PLAAT1: variants seen among roughly 807,000 people sequenced by gnomAD.
PLAAT1 encodes the protein phospholipase A and acyltransferase 1, also known as H-REV107 protein-related protein.
A neutral mutation model predicts 16.4 loss-of-function variants in PLAAT1; 13 were observed. The observed-to-expected ratio is 0.79, with a 90% CI of 0.52 to 1.26. The LOEUF (loss-of-function observed/expected upper bound fraction) is 1.26, where lower values mean the gene tolerates loss of function less well. PLAAT1 is among the 50% of genes most tolerant of loss of function. The probability of loss-of-function intolerance (pLI) is 0.00; values close to 1 mark genes in which losing one functional copy is unlikely to be tolerated. For synonymous variants in PLAAT1, 73 were observed against 78.4 expected (o/e 0.93, Z 0.36); for missense variants, 218 against 207.8 (o/e 1.05, Z -0.30).
chr3:193,259,335 C>T (rs1267529446), intron 2 of PLAAT1, among the ~76,000 whole-genome samples: 1 of 152,174 alleles, frequency 6.6e-6, no homozygotes, highest in African/African-American at 2.4e-5. Flanking sequence ...GGTGTTCACT[C>T]ACACTATTCC....
rs13063816 is a variant in PLAAT1 at position 193,277,225 on chromosome 3, C to A, written c.*60-411C>A. On this transcript the variant is annotated intron_variant and NMD_transcript_variant, in intron 2 of 2. Transcript: ENST00000416012. ...CCAATTCTCCCAAAGCAAATTCTACCTGGAATTCATTCTTTAAGGAGGACA... is the reference window on the plus strand; with the variant it reads ...CCAATTCTCCCAAAGCAAATTCTACATGGAATTCATTCTTTAAGGAGGACA... Among the ~76,000 whole-genome samples the A allele has an allele frequency of 3.3e-5, 5 of 151,578 alleles. No individual in the cohort carries two copies. In the East Asian group the frequency reaches 5.8e-4, roughly 18 times the overall value.
intron 2 of PLAAT1, among the ~76,000 whole-genome samples, chr3:193,262,235 G>C (rs1181040148): frequency 6.6e-6 from 1 of 152,138 alleles, no homozygotes; most frequent in Non-Finnish European, 1.5e-5. Flanking sequence ...AGCCAAGGTG[G>C]AGTGGTAGGG....
downstream of PLAAT1, among the ~76,000 whole-genome samples, chr3:193,272,172 G>A (rs917816195): frequency 1.5e-4 from 23 of 152,054 alleles, no homozygotes; most frequent in African/African-American, 4.3e-4. Context: ...GGCCAGGTGC[G>A]GTGGCTCACA....
chr3:193,245,347 C>A (rs1478429075), intron 1 of PLAAT1, among the ~76,000 whole-genome samples: 2 of 152,178 alleles, frequency 1.3e-5, no homozygotes, highest in East Asian at 3.8e-4. Flanking sequence ...TCAGTTCCAT[C>A]CATGTTGTCA....
intron 1 of PLAAT1, among the ~76,000 whole-genome samples, chr3:193,244,017 C>A (rs1715878511): frequency 6.6e-6 from 1 of 152,198 alleles, no homozygotes. Context: ...AAGTATAATT[C>A]TCTAGAGGTA....
chr3:193,240,685 G>GTGTGTGTGTGTGTGT (rs71177395), upstream of PLAAT1, among the ~76,000 whole-genome samples: 3 of 146,888 alleles, frequency 2.0e-5, no homozygotes, highest in Admixed American at 6.8e-5. Flanking sequence ...GTGTGTGTGT[G>GTGTGTGTGTGTGTGT]GTTGGAGGTC....
At position 193,263,049 on chromosome 3, in the gene PLAAT1, T is replaced by C. The variant is rs1435583875; in HGVS notation, c.219T>C (p.Asp73=). ...KALVKMQLLK[D]VVGNDTYRIN... is the part of the protein sequence containing the mutation. ...TGGTGAAAATGCAGCTCTTGAAGGA[T>C]GTTGTGGGAAATGACACATACAGAA... Residue 73 remains aspartate (D), a synonymous_variant, in exon 3 of 4, where the codon GAT becomes GAC. Coordinates refer to ENST00000264735, the MANE Select transcript of PLAAT1 (RefSeq NM_020386.5). 6.2e-7 allele frequency: 1 copy of C among 1,614,200 alleles called. No individual in the cohort carries two copies. Among genetic ancestry groups the C allele is most frequent in the Non-Finnish European group, 8.5e-7 (1 of 1,180,044 alleles).
intron 2 of PLAAT1, chr3:193,276,729 A>G: frequency 6.5e-7 from 1 of 1,538,444 alleles, no homozygotes; most frequent in South Asian, 1.2e-5. Flanking sequence ...CTTCCTAGAA[A>G]AAATATAGAG....
At chr3:193,275,813 C>T (rs959984043), downstream of PLAAT1, among the ~76,000 whole-genome samples, 2 of 152,116 alleles carry the variant, frequency 1.3e-5, no homozygotes, top group Admixed American at 6.5e-5. Context: ...AATTTTGCAT[C>T]CCAGTTTTAT....
intron 2 of PLAAT1, among the ~76,000 whole-genome samples, chr3:193,257,813 C>A (rs542251361): frequency 1.3e-5 from 2 of 152,174 alleles, no homozygotes; most frequent in African/African-American, 2.4e-5. Context: ...GGCAGAGGAA[C>A]GTGGAAAAAT....
At chr3:193,265,702 A>G (rs2108800548) in intron 3 of PLAAT1, among the ~76,000 whole-genome samples, 1 of 152,314 alleles carries the variant, frequency 6.6e-6, no homozygotes, top group African/African-American at 2.4e-5. Flanking sequence ...TAATGAAAGG[A>G]TATATTTATT....
intron 1 of PLAAT1, among the ~76,000 whole-genome samples, chr3:193,244,739 A>G (rs1715915808): frequency 6.6e-6 from 1 of 152,188 alleles, no homozygotes; most frequent in African/African-American, 2.4e-5. Flanking sequence ...AAGGTGGTAC[A>G]GAGTATCACA....
intron 2 of PLAAT1, among the ~76,000 whole-genome samples, chr3:193,260,442 A>G (rs1333503555): frequency 1.2e-4 from 18 of 152,180 alleles, no homozygotes. Context: ...AAATATTCAT[A>G]AACTGTGCAT....
chr3:193,276,067 C>T (rs1003821671), intron 2 of PLAAT1, among the ~76,000 whole-genome samples: 2 of 152,056 alleles, frequency 1.3e-5, no homozygotes, highest in African/African-American at 4.8e-5. Flanking sequence ...GTATTTTTCT[C>T]TTCTTTTGGG....
chr3:193,278,807 A>G (rs867644826), downstream of PLAAT1, among the ~76,000 whole-genome samples: 8 of 152,266 alleles, frequency 5.3e-5, no homozygotes, highest in Non-Finnish European at 1.2e-4. Flanking sequence ...CAACAAATCT[A>G]TGACTCGGAG....
chr3:193,272,432 G>A (rs762999343), downstream of PLAAT1, among the ~76,000 whole-genome samples: 20 of 151,296 alleles, frequency 1.3e-4, no homozygotes, highest in Non-Finnish European at 2.5e-4. Context: ...ACGACAGAGC[G>A]AGACTCCACC....
intron 2 of PLAAT1, among the ~76,000 whole-genome samples, chr3:193,262,745 A>G (rs1349090640): frequency 6.6e-6 from 1 of 152,166 alleles, no homozygotes; most frequent in East Asian, 1.9e-4. Flanking sequence ...AACATCAAAC[A>G]TTTTCAAAAA....
At chr3:193,253,323 A>C (rs1184035148) in intron 1 of PLAAT1, among the ~76,000 whole-genome samples, 1 of 152,206 alleles carries the variant, frequency 6.6e-6, no homozygotes. Context: ...TTATATGTCA[A>C]ATTGAAAATT....
At chr3:193,259,558 T>A (rs1455668628) in intron 2 of PLAAT1, among the ~76,000 whole-genome samples, 1 of 152,104 alleles carries the variant, frequency 6.6e-6, no homozygotes, top group Non-Finnish European at 1.5e-5. Flanking sequence ...TGTACAAAAA[T>A]CAGTAGCATT....
Sources: gnomAD v4.1 joint callset for allele counts (sites outside exome capture counted in the v4.1 genomes callset) on GRCh38, gnomAD v4.1.1 for gene constraint, MANE v1.5 for transcripts, NCBI Gene and HGNC (gene_info 2026-07-23, HGNC 2026-07-21) for gene names.